Variants in LINGO2 observed in about 807,000 individuals in gnomAD.
LINGO2 encodes leucine-rich repeat and immunoglobulin-like domain-containing nogo receptor-interacting protein 2.
Under a neutral mutation model 30.6 loss-of-function variants are expected in LINGO2, and 14 were observed. That is an observed-to-expected ratio of 0.46 (90% CI 0.30 to 0.72). The LOEUF is 0.72. LINGO2 is among the 30% of genes least tolerant of loss of function. LINGO2 has a pLI of 0.07. For missense variants in LINGO2, 729 were observed against 751.7 expected (o/e 0.97, Z 0.35); for synonymous variants, 317 against 288.5 (o/e 1.10, Z -1.00).
chr9:29,013,130 C>T, the LINGO2 span, among the ~76,000 whole-genome samples: 1 of 152,168 alleles, frequency 6.6e-6, no homozygotes, highest in Admixed American at 6.5e-5. Flanking sequence ...TGTAATCGTT[C>T]TCTTAATACA....
chr9:28,545,803 C>G (rs1450936536), intron 1 of LINGO2, among the ~76,000 whole-genome samples: 2 of 151,892 alleles, frequency 1.3e-5, no homozygotes, highest in African/African-American at 2.4e-5. Flanking sequence ...TTTGGAAAAG[C>G]CTTTACATTT....
chr9:28,449,384 T>C (rs894827385), intron 2 of LINGO2, among the ~76,000 whole-genome samples: 4 of 152,024 alleles, frequency 2.6e-5, no homozygotes, highest in African/African-American at 2.4e-5. Context: ...TGCATTTCTT[T>C]TTTTTAAAAA....
In LINGO2 at chr9:28,544,426, T is replaced by C. The variant is rs528629477; in HGVS notation, c.-364-68401A>G. On this transcript the variant is annotated intron_variant, in intron 1 of 5. Transcript: ENST00000379992. ...GTTAACAGTATCTTTTCCCTGGCCT[T>C]TGTAACCCACACTGACTGATATACC... Among the ~76,000 whole-genome samples the C allele has an allele frequency of 4.6e-5, 7 of 152,150 alleles. No individual in the cohort carries two copies. The East Asian group carries it at 1.4e-3, about 29-fold the overall frequency.
chr9:28,717,424 G>C, the LINGO2 span, among the ~76,000 whole-genome samples: 1 of 151,578 alleles, frequency 6.6e-6, no homozygotes, highest in African/African-American at 2.4e-5. Flanking sequence ...ACAATCAATA[G>C]CTGAAATTTG....
chr9:28,709,797 G>A, the LINGO2 span, among the ~76,000 whole-genome samples: 1 of 151,712 alleles, frequency 6.6e-6, no homozygotes, highest in African/African-American at 2.4e-5. Flanking sequence ...AATATACTCA[G>A]CATGATTCTC....
intron 4 of LINGO2, among the ~76,000 whole-genome samples, chr9:28,049,355 G>A (rs559096415): frequency 2.7e-5 from 4 of 150,768 alleles, no homozygotes; most frequent in Non-Finnish European, 5.9e-5. Flanking sequence ...ACTAGGGTTA[G>A]GCTATTTTAG....
chr9:29,070,721 C>G, the LINGO2 span, among the ~76,000 whole-genome samples: 5 of 147,086 alleles, frequency 3.4e-5, no homozygotes, highest in Non-Finnish European at 7.5e-5. Context: ...TAACTTCACC[C>G]TAAAAGACTT....
chr9:28,569,947 G>T (rs995881020), intron 1 of LINGO2, among the ~76,000 whole-genome samples: 2 of 151,398 alleles, frequency 1.3e-5, no homozygotes, highest in Non-Finnish European at 1.5e-5. Flanking sequence ...CTGGAAAAAA[G>T]ACATAAATAC....
At chr9:28,034,689 T>C (rs1197931) in intron 4 of LINGO2, among the ~76,000 whole-genome samples, 150,915 of 152,360 alleles carry the variant, frequency 0.99, 74,761 homozygotes, top group Middle Eastern at 1. Flanking sequence ...GGGATGATAG[T>C]TAATGACCTG....
At chr9:28,705,492 C>T in the LINGO2 span, among the ~76,000 whole-genome samples, 1 of 151,978 alleles carries the variant, frequency 6.6e-6, no homozygotes, top group South Asian at 2.1e-4. Context: ...TCAGTTGGGA[C>T]CTGATAAAAC....
At chr9:28,442,158 A>T (rs980698735) in intron 2 of LINGO2, among the ~76,000 whole-genome samples, 2 of 151,898 alleles carry the variant, frequency 1.3e-5, no homozygotes, top group African/African-American at 4.8e-5. Context: ...ATAAAAAAAA[A>T]GTTTCCTATT....
chr9:28,977,189 A>T, the LINGO2 span, among the ~76,000 whole-genome samples: 2 of 152,104 alleles, frequency 1.3e-5, no homozygotes, highest in Non-Finnish European at 2.9e-5. Flanking sequence ...AGGATAACTC[A>T]CCTAGCAAAA....
chr9:28,207,266 C>G (rs990270575), intron 4 of LINGO2, among the ~76,000 whole-genome samples: 1 of 152,010 alleles, frequency 6.6e-6, no homozygotes, highest in African/African-American at 2.4e-5. Context: ...TCCAATTTCC[C>G]ACTGTAAACA....
intron 3 of LINGO2, among the ~76,000 whole-genome samples, chr9:28,317,455 T>C (rs1479743699): frequency 6.6e-6 from 1 of 152,168 alleles, no homozygotes; most frequent in East Asian, 1.9e-4. Flanking sequence ...TTTGTAACTT[T>C]ATTAGTAAAA....
intron 4 of LINGO2, among the ~76,000 whole-genome samples, chr9:28,205,024 G>A (rs1820362816): frequency 1.3e-5 from 2 of 152,070 alleles, no homozygotes; most frequent in African/African-American, 2.4e-5. Flanking sequence ...GTCTTCATAT[G>A]TGACTATTCT....
the LINGO2 span, among the ~76,000 whole-genome samples, chr9:29,045,462 A>C: frequency 6.6e-6 from 1 of 151,940 alleles, no homozygotes; most frequent in Admixed American, 6.6e-5. Flanking sequence ...AGCACAAAAT[A>C]TTTTCTATAG....
chr9:28,677,779 C>A, the LINGO2 span, among the ~76,000 whole-genome samples: 1 of 152,072 alleles, frequency 6.6e-6, no homozygotes, highest in Admixed American at 6.6e-5. Context: ...GTAATTTTAA[C>A]ACAGGTTTTT....
intron 2 of LINGO2, among the ~76,000 whole-genome samples, chr9:28,391,713 T>C (rs902247164): frequency 1.3e-5 from 2 of 152,020 alleles, no homozygotes; most frequent in Non-Finnish European, 2.9e-5. Context: ...ATGCCCTTAA[T>C]TAAAGCCTGA....
intron 4 of LINGO2, among the ~76,000 whole-genome samples, chr9:28,094,785 T>C (rs1826197176): frequency 6.6e-6 from 1 of 151,264 alleles, no homozygotes; most frequent in Non-Finnish European, 1.5e-5. Flanking sequence ...CTCTGTACCA[T>C]ACTTTTTTTC....
Sources: gnomAD v4.1 joint callset for allele counts (sites outside exome capture counted in the v4.1 genomes callset) on GRCh38, gnomAD v4.1.1 for gene constraint, MANE v1.5 for transcripts, NCBI Gene and HGNC (gene_info 2026-07-23, HGNC 2026-07-21) for gene names.